Variants in CRTC1 observed in about 807,000 individuals in gnomAD.
CRTC1 encodes CREB-regulated transcription coactivator 1.
A neutral mutation model predicts 66.1 loss-of-function variants in CRTC1; 18 were observed. The ratio of observed to expected loss-of-function variants is 0.27; its 90% CI spans 0.19 to 0.40. CRTC1 has a LOEUF of 0.40. CRTC1 is among the 10% of genes least tolerant of loss of function. CRTC1 has a pLI of 1.00. For missense variants in CRTC1, 669 were observed against 887.9 expected, an observed-to-expected ratio of 0.75 and a Z score of 3.13; for synonymous variants, 416 against 398.8, an observed-to-expected ratio of 1.04 and a Z score of -0.51.
Position 18,768,925 on chromosome 19 carries a change from A to G in CRTC1, c.1320+132A>G. The G allele has an allele frequency of 8.5e-7, 1 of 1,171,328 alleles. No individual in the cohort carries two copies. Among genetic ancestry groups the G allele is most frequent in the South Asian group, 1.6e-5 (1 of 61,590 alleles). The allele number at this position is 1,171,328 out of a possible 1,614,324, so 72.6% of individuals were successfully genotyped here. ...ACCCCAGCGAACGCTGCCTGGGCCC[A>G]CCTCTCCACGGGGCTACCCCTTGGA... On this transcript the variant is annotated intron_variant, in intron 10 of 13. Coordinates refer to ENST00000321949, the MANE Select transcript of CRTC1 (RefSeq NM_015321.3). This position sits in a 1 kb window ranked among gnomAD's most constrained non-coding sequence, Gnocchi z 5.6.
In CRTC1 at chr19:18,718,435, C is replaced by T. The variant is rs537922146; in HGVS notation, c.127-24475C>T. On this transcript the variant is annotated intron_variant, in intron 1 of 13. Transcript: ENST00000321949. ...CACTGCAGCCTCCACCTCTTGGGCT[C>T]TGTCCAACCTCCCACCTCTGCCTCT... Among the ~76,000 whole-genome samples the T allele has an allele frequency of 1.4e-4, 21 of 152,190 alleles. No individual in the cohort carries two copies. In the South Asian group the frequency reaches 4.4e-3, roughly 32 times the overall value.
In CRTC1 at chr19:18,773,363, T is replaced by C. The variant is rs907077156; in HGVS notation, c.1426-1537T>C. ...TGGGCCACAGGCAGCTACCATTTGG[T>C]CCAGTTTGTGGCTCTCTCCCAACTT... is the stretch of plus-strand genomic sequence containing the variant. On this transcript the variant is annotated intron_variant, in intron 11 of 13. Transcript: ENST00000321949. Among the ~76,000 whole-genome samples, 4 of 152,118 alleles carry C rather than the reference T, an allele frequency of 2.6e-5. No homozygotes were observed. In the South Asian group the frequency reaches 8.3e-4, roughly 32 times the overall value.
intron 2 of CRTC1, among the ~76,000 whole-genome samples, chr19:18,744,719 T>TCCCAC (rs1219855787): frequency 6.6e-6 from 1 of 152,002 alleles, no homozygotes; most frequent in African/African-American, 2.4e-5. Flanking sequence ...CCCACCCTCA[T>TCCCAC]CGTCACAGGC....
At chr19:18,718,184 C>T (rs1045960081) in intron 1 of CRTC1, among the ~76,000 whole-genome samples, 9 of 152,122 alleles carry the variant, frequency 5.9e-5, no homozygotes, top group Non-Finnish European at 1.3e-4. Context: ...CTGGCAGTTA[C>T]TAATCTGCTT....
At chr19:18,714,696 A>G (rs1175407195) in intron 1 of CRTC1, among the ~76,000 whole-genome samples, 1 of 152,214 alleles carries the variant, frequency 6.6e-6, no homozygotes, top group African/African-American at 2.4e-5. Context: ...ATCCCCAGAA[A>G]GGTCTCTCCA....
Position 18,728,815 on chromosome 19 carries a change from C to CTTTTTTTTTTTTTTTTTTT in CRTC1, c.127-14080_127-14079insTTTTTTTTTTTTTTTTTTT, listed in dbSNP as rs35465891. Among the ~76,000 whole-genome samples, 280 of 79,338 alleles carry CTTTTTTTTTTTTTTTTTTT rather than the reference C, an allele frequency of 3.5e-3. 43 individuals carry two copies. The highest frequency in any genetic ancestry group is 0.015 in the African/African-American group (257 of 16,902). 52.0% of individuals were successfully genotyped at this position (79,338 alleles called of 152,430 possible). A position where few individuals can be genotyped will look rare whatever the true frequency, so the allele number is the denominator to read the frequency against. ...ACAGGTGTGAGCCACCTCACCTGGC[C>CTTTTTTTTTTTTTTTTTTT]TTTTTTTTTTTTTTTGAGACAGAGT... On this transcript the variant is annotated intron_variant, in intron 1 of 13. Coordinates refer to ENST00000321949, the MANE Select transcript of CRTC1 (RefSeq NM_015321.3).
Position 18,760,259 on chromosome 19 carries a change from A to G in CRTC1, c.886+31A>G, listed in dbSNP as rs373564506. ...GCAGGGACACTCCGCCCTCGGACAG[A>G]GCACTGGCTTGTGGAGACAACACGG... On this transcript the variant is annotated intron_variant, in intron 8 of 13. Coordinates refer to ENST00000321949, the MANE Select transcript of CRTC1 (RefSeq NM_015321.3). The surrounding 1 kb of genome is among the most constrained non-coding windows in gnomAD (Gnocchi z 6.2). 50 of 1,519,220 alleles carry G rather than the reference A, an allele frequency of 3.3e-5. No individual in the cohort carries two copies. In the African/African-American group the frequency reaches 6.6e-4, roughly 20 times the overall value. The allele number at this position is 1,519,220 out of a possible 1,614,324, so 94.1% of individuals were successfully genotyped here. A position where few individuals can be genotyped will look rare whatever the true frequency, so the allele number is the denominator to read the frequency against.
chr19:18,694,135 GAAA>G (rs56040700), intron 1 of CRTC1, among the ~76,000 whole-genome samples: 1 of 125,306 alleles, frequency 8.0e-6, no homozygotes, highest in Admixed American at 8.2e-5. Context: ...CTCCGTCTCA[GAAA>G]AAAAAAAAAA....
intron 1 of CRTC1, among the ~76,000 whole-genome samples, chr19:18,705,394 C>T (rs895802435): frequency 7.9e-5 from 12 of 152,156 alleles, no homozygotes; most frequent in African/African-American, 2.9e-4. Flanking sequence ...GATCTCGGCT[C>T]ACCACATCCT....
intron 1 of CRTC1, among the ~76,000 whole-genome samples, chr19:18,724,404 G>T (rs1220969851): frequency 6.6e-6 from 1 of 152,132 alleles, no homozygotes; most frequent in Non-Finnish European, 1.5e-5. Flanking sequence ...TGGAAGGGGA[G>T]ACAGCAGCAC....
intron 1 of CRTC1, among the ~76,000 whole-genome samples, chr19:18,715,809 C>T (rs1320999818): frequency 6.6e-6 from 1 of 152,180 alleles, no homozygotes; most frequent in Non-Finnish European, 1.5e-5. Context: ...GAGGTTTGTC[C>T]CAGCCAAGGG....
intron 1 of CRTC1, among the ~76,000 whole-genome samples, chr19:18,696,590 G>A (rs1279087711): frequency 2.0e-5 from 3 of 152,142 alleles, no homozygotes; most frequent in African/African-American, 7.2e-5. Flanking sequence ...TGACTCCAAG[G>A]CCCATGCGGA....
At position 18,777,482 on chromosome 19, in the gene CRTC1, T is replaced by C. The variant is rs778150331; in HGVS notation, c.*100T>C. 15 of 1,169,748 alleles carry C rather than the reference T, an allele frequency of 1.3e-5. No individual in the cohort carries two copies. The East Asian group carries it at 3.3e-4, about 26-fold the overall frequency. 72.5% of individuals were successfully genotyped at this position (1,169,748 alleles called of 1,614,324 possible). A position where few individuals can be genotyped will look rare whatever the true frequency, so the allele number is the denominator to read the frequency against. On this transcript the variant is annotated 3_prime_UTR_variant, in exon 14 of 14. Coordinates refer to ENST00000321949, the MANE Select transcript of CRTC1 (RefSeq NM_015321.3). The surrounding 1 kb of genome is among the most constrained non-coding windows in gnomAD (Gnocchi z 5.5). ...CCTCGCCAACGGCCGAGCTTGTGAT[T>C]CTGAGCTTGCAATGCCGCCAAGCGC... is the stretch of plus-strand genomic sequence containing the variant.
intron 6 of CRTC1, among the ~76,000 whole-genome samples, chr19:18,757,196 A>G (rs2145793511): frequency 6.6e-6 from 1 of 152,212 alleles, no homozygotes; most frequent in Middle Eastern, 3.4e-3. Context: ...GGGAGGCCTC[A>G]TCCATGGCTG....
Position 18,771,546 on chromosome 19 carries a change from A to G in CRTC1, c.1425A>G (p.Gln475=). The G allele has an allele frequency of 1.2e-6, 2 of 1,610,548 alleles. No individual in the cohort carries two copies. Among genetic ancestry groups the G allele is most frequent in the Non-Finnish European group, 8.5e-7 (1 of 1,178,078 alleles). Residue 475 remains glutamine (Q), a splice_region_variant and synonymous_variant, in exon 11 of 14, where the codon CAA becomes CAG. Transcript: ENST00000321949. The surrounding 1 kb of genome is among the most constrained non-coding windows in gnomAD (Gnocchi z 4.6). The part of the protein sequence containing the change: ...NQGFSPGSSP[Q]HTSTLGSVFG... Reference sequence around the variant, plus strand: ...GCTTCTCCCCAGGGAGCTCCCCGCAAGTAAGGGGCGCCGCCTCCCCCTTGG... The same window carrying G: ...GCTTCTCCCCAGGGAGCTCCCCGCAGGTAAGGGGCGCCGCCTCCCCCTTGG...
In CRTC1 at chr19:18,760,506, T is replaced by C. The variant is rs2054589696; in HGVS notation, c.886+278T>C. Among the ~76,000 whole-genome samples, 1 of 151,864 alleles carries C rather than the reference T, an allele frequency of 6.6e-6. No individual in the cohort carries two copies. Among genetic ancestry groups the C allele is most frequent in the Non-Finnish European group, 1.5e-5 (1 of 67,920 alleles). On this transcript the variant is annotated intron_variant, in intron 8 of 13. Coordinates refer to ENST00000321949, the MANE Select transcript of CRTC1 (RefSeq NM_015321.3). This position sits in a 1 kb window ranked among gnomAD's most constrained non-coding sequence, Gnocchi z 6.2. ...TTTGGGGAGTCCAGGAGGGAAGCCC[T>C]GGGAGTTTTAACGCAGCTGGGGTGG...
intron 6 of CRTC1, among the ~76,000 whole-genome samples, chr19:18,754,130 C>T (rs1380998813): frequency 6.6e-6 from 1 of 151,934 alleles, no homozygotes; most frequent in Non-Finnish European, 1.5e-5. Context: ...AATTAAAACC[C>T]GTTGCTGGTC....
chr19:18,719,447 C>T (rs76930580), intron 1 of CRTC1, among the ~76,000 whole-genome samples: 43 of 152,332 alleles, frequency 2.8e-4, no homozygotes, highest in African/African-American at 8.4e-4. Flanking sequence ...TGGGCCCCGG[C>T]AGGCCCAGGA....
At position 18,683,711 on chromosome 19, in the gene CRTC1, T is replaced by A. The variant is rs2052614575; in HGVS notation, c.9T>A (p.Thr3=). ...GAGGTGGCGGCGAGAAGATGGCGAC[T>A]TCGAACAATCCGCGGAAATTCAGCG... is the stretch of plus-strand genomic sequence containing the variant. MA[T]SNNPRKFSEK... is the part of the protein sequence containing the mutation. Residue 3 remains threonine (T), a synonymous_variant, in exon 1 of 14, where the codon ACT becomes ACA. Coordinates refer to ENST00000321949, the MANE Select transcript of CRTC1 (RefSeq NM_015321.3). The A allele has an allele frequency of 1.4e-6, 2 of 1,396,336 alleles. No individual in the cohort carries two copies. Among genetic ancestry groups the A allele is most frequent in the Admixed American group, 4.6e-5 (2 of 43,632 alleles). 86.5% of individuals were successfully genotyped at this position (1,396,336 alleles called of 1,614,324 possible).
Sources: allele counts gnomAD v4.1 joint callset (sites outside exome capture counted in the v4.1 genomes callset), GRCh38; gene constraint gnomAD v4.1.1; non-coding constraint Gnocchi (gnomAD v3.1); transcripts MANE v1.5; gene names NCBI Gene and HGNC (gene_info 2026-07-23, HGNC 2026-07-21).